ATRNL1: variants seen among roughly 807,000 people sequenced by gnomAD.
The protein encoded by ATRNL1 is attractin-like protein 1.
A neutral mutation model predicts 182.7 loss-of-function variants in ATRNL1; 95 were observed. The observed-to-expected ratio is 0.52, with a 90% confidence interval of 0.44 to 0.62. ATRNL1 has a LOEUF of 0.62. Among genes scored for constraint, ATRNL1 ranks in the 20% least tolerant of loss-of-function variants. The pLI is 0.00. For missense variants in ATRNL1, 1,471 were observed against 1,679.5 expected, an observed-to-expected ratio of 0.88 and a Z score of 2.17; for synonymous variants, 576 against 568.3, an observed-to-expected ratio of 1.01 and a Z score of -0.19.
chr10:115,654,506 A>G (rs1316505728), intron 26 of ATRNL1, among the ~76,000 whole-genome samples: 6 of 152,174 alleles, frequency 3.9e-5, no homozygotes, highest in African/African-American at 1.4e-4. Context: ...GGCATGAGCA[A>G]CTATCATTCC....
At chr10:115,558,167 C>T (rs116196186) in intron 26 of ATRNL1, among the ~76,000 whole-genome samples, 223 of 151,970 alleles carry the variant, frequency 1.5e-3, no homozygotes, top group African/African-American at 4.8e-3. Context: ...ATGAGTTGCC[C>T]GGGTCCTTGG....
At chr10:115,564,841 T>C (rs1038410292) in intron 26 of ATRNL1, among the ~76,000 whole-genome samples, 1 of 151,994 alleles carries the variant, frequency 6.6e-6, no homozygotes, top group Non-Finnish European at 1.5e-5. Flanking sequence ...TAATAGCATA[T>C]TCTTTATAAC....
At chr10:115,326,981 C>A (rs193062584) in intron 18 of ATRNL1, among the ~76,000 whole-genome samples, 38 of 152,200 alleles carry the variant, frequency 2.5e-4, no homozygotes, top group African/African-American at 6.7e-4. Context: ...CATAAAAACC[C>A]TAGAAGAAAA....
rs369766871 is a variant in ATRNL1, at chr10:115,853,074, G to A, written c.4018+5083G>A. ...TTCCCATGTGAAAAATGATGGGGTCGGGTTAGATTCCTAGGATGCGTTTCA... is the reference window on the plus strand; with the variant it reads ...TTCCCATGTGAAAAATGATGGGGTCAGGTTAGATTCCTAGGATGCGTTTCA... On this transcript the variant is annotated intron_variant, in intron 28 of 28. Coordinates refer to ENST00000355044, the MANE Select transcript of ATRNL1 (RefSeq NM_207303.4). Among the ~76,000 whole-genome samples the A allele has an allele frequency of 2.0e-4, 31 of 152,104 alleles. No homozygotes were observed. The East Asian group carries it at 4.3e-3, about 21-fold the overall frequency.
At chr10:115,358,117 A>G (rs1010839437) in intron 19 of ATRNL1, among the ~76,000 whole-genome samples, 5 of 151,602 alleles carry the variant, frequency 3.3e-5, no homozygotes, top group Non-Finnish European at 7.4e-5. Flanking sequence ...GATGTTACAG[A>G]TTACCTGACA....
chr10:115,303,851 C>G (rs1853601425), intron 17 of ATRNL1, among the ~76,000 whole-genome samples: 1 of 151,896 alleles, frequency 6.6e-6, no homozygotes, highest in African/African-American at 2.4e-5. Context: ...CACTTGGAGT[C>G]TGGTGTATCT....
intron 25 of ATRNL1, among the ~76,000 whole-genome samples, chr10:115,545,963 C>G (rs1222421064): frequency 6.6e-6 from 1 of 152,214 alleles, no homozygotes; most frequent in Non-Finnish European, 1.5e-5. Context: ...CTTCAACTCT[C>G]TGTGACTTAG....
chr10:115,256,952 C>T (rs1252899720), intron 10 of ATRNL1, among the ~76,000 whole-genome samples: 1 of 152,192 alleles, frequency 6.6e-6, no homozygotes, highest in African/African-American at 2.4e-5. Flanking sequence ...GAGTGAGTTT[C>T]TTAATCTTGA....
intron 27 of ATRNL1, among the ~76,000 whole-genome samples, chr10:115,762,763 A>C (rs1948763930): frequency 6.6e-6 from 1 of 152,110 alleles, no homozygotes; most frequent in Non-Finnish European, 1.5e-5. Flanking sequence ...AAAAGTTTTA[A>C]ATGTAACCAG....
rs1554862212 is a variant in ATRNL1 at position 115,093,679 on chromosome 10, C to G, written c.-72C>G. On this transcript the variant is annotated 5_prime_UTR_variant, in exon 1 of 29. Coordinates refer to ENST00000355044, the MANE Select transcript of ATRNL1 (RefSeq NM_207303.4). The surrounding 1 kb of genome is among the most constrained non-coding windows in gnomAD (Gnocchi z 6.1). ...CGGCGGCGGAGAGGTTTTCTGCGGC[C>G]GGAATTCCCTTCAACAGCATCCCTG... The G allele has an allele frequency of 2.1e-6, 3 of 1,426,668 alleles. No homozygotes were observed. Among genetic ancestry groups the G allele is most frequent in the Non-Finnish European group, 2.8e-6 (3 of 1,071,736 alleles). 88.4% of individuals were successfully genotyped at this position (1,426,668 alleles called of 1,614,324 possible).
chr10:115,553,553 G>T (rs1853128107), intron 26 of ATRNL1, among the ~76,000 whole-genome samples: 2 of 151,364 alleles, frequency 1.3e-5, no homozygotes, highest in East Asian at 3.9e-4. Context: ...ATGAGGGATT[G>T]AATTTATGTT....
intron 15 of ATRNL1, among the ~76,000 whole-genome samples, chr10:115,288,375 A>G (rs1852729248): frequency 6.6e-6 from 1 of 152,140 alleles, no homozygotes; most frequent in Non-Finnish European, 1.5e-5. Flanking sequence ...TTTTCTCTGC[A>G]TCCTCACCAG....
At chr10:115,774,229 A>G (rs1268054720) in intron 27 of ATRNL1, among the ~76,000 whole-genome samples, 2 of 151,992 alleles carry the variant, frequency 1.3e-5, no homozygotes, top group Non-Finnish European at 2.9e-5. Flanking sequence ...GGAGTTTGAG[A>G]CCAGCCTGGC....
Position 115,583,559 on chromosome 10 carries a change from G to C in ATRNL1, c.3795+34023G>C, listed in dbSNP as rs1484542137. 2.6e-5 allele frequency among the ~76,000 whole-genome samples: 3 copies of C among 115,262 alleles called. 1 individual carries two copies. Among genetic ancestry groups the C allele is most frequent in the Admixed American group, 1.0e-4 (1 of 9,896 alleles). The allele number at this position is 115,262 out of a possible 152,430, so 75.6% of individuals were successfully genotyped here. A position where few individuals can be genotyped will look rare whatever the true frequency, so the allele number is the denominator to read the frequency against. On this transcript the variant is annotated intron_variant, in intron 26 of 28. Transcript: ENST00000355044. ...TGATTTGGCTTTCTGTTTGTCTGTT[G>C]TTGATGTATAAGAATGCTTGTGATT...
chr10:115,251,682 T>C (rs1377774566), intron 10 of ATRNL1, among the ~76,000 whole-genome samples: 2 of 152,204 alleles, frequency 1.3e-5, no homozygotes, highest in Non-Finnish European at 2.9e-5. Flanking sequence ...TGGCATCACA[T>C]AGTGTATTGA....
At chr10:115,382,215 G>A (rs1477978220) in intron 19 of ATRNL1, among the ~76,000 whole-genome samples, 1 of 152,026 alleles carries the variant, frequency 6.6e-6, no homozygotes, top group Non-Finnish European at 1.5e-5. Flanking sequence ...GAATCAGCTT[G>A]TCATTTTCTA....
intron 27 of ATRNL1, among the ~76,000 whole-genome samples, chr10:115,736,576 T>G (rs1947957681): frequency 6.6e-6 from 1 of 152,108 alleles, no homozygotes; most frequent in Non-Finnish European, 1.5e-5. Context: ...TATGACTGAT[T>G]TCCTTGTGTA....
intron 26 of ATRNL1, among the ~76,000 whole-genome samples, chr10:115,552,756 A>G (rs1554995887): frequency 6.6e-6 from 1 of 151,228 alleles, no homozygotes; most frequent in Non-Finnish European, 1.5e-5. Flanking sequence ...CTACACACAA[A>G]AGGCTTCAAT....
At chr10:115,702,956 C>T (rs1946783263) in intron 26 of ATRNL1, among the ~76,000 whole-genome samples, 2 of 151,694 alleles carry the variant, frequency 1.3e-5, no homozygotes, top group South Asian at 4.2e-4. Context: ...GAAAAAAAAG[C>T]CCAAATAGGC....
Sources: allele counts gnomAD v4.1 joint callset (sites outside exome capture counted in the v4.1 genomes callset), GRCh38; gene constraint gnomAD v4.1.1; non-coding constraint Gnocchi (gnomAD v3.1); transcripts MANE v1.5; gene names NCBI Gene and HGNC (gene_info 2026-07-23, HGNC 2026-07-21).